CCBE1: variants seen among roughly 807,000 people sequenced by gnomAD.
CCBE1 encodes the protein collagen and calcium-binding EGF domain-containing protein 1.
In CCBE1, 37 loss-of-function variants were observed where a neutral mutation model predicts 50.0. The observed-to-expected ratio is 0.74, with a 90% CI of 0.57 to 0.97. The LOEUF (loss-of-function observed/expected upper bound fraction) is 0.97, where lower values mean the gene tolerates loss of function less well. Among genes scored for constraint, CCBE1 ranks in the 50% least tolerant of loss-of-function variants. CCBE1 has a pLI of 0.00. For missense variants in CCBE1, 538 were observed against 523.8 expected (o/e 1.03, Z -0.26); for synonymous variants, 234 against 203.7 (o/e 1.15, Z -1.27).
chr18:59,480,092 G>A lies in CCBE1; in HGVS notation c.265+94C>T, dbSNP rs1213100777. ...ACAGATACACAGATAATCAGACACAGATAAGACCTATATTCCATGAACATC... is the reference window on the plus strand; with the variant it reads ...ACAGATACACAGATAATCAGACACAAATAAGACCTATATTCCATGAACATC... On this transcript the variant is annotated intron_variant, in intron 3 of 10. Transcript: ENST00000439986. The A allele has an allele frequency of 6.8e-6, 6 of 876,508 alleles. No homozygotes were observed. In the African/African-American group the frequency reaches 8.5e-5, roughly 12 times the overall value. The allele number at this position is 876,508 out of a possible 1,614,324, so 54.3% of individuals were successfully genotyped here.
intron 2 of CCBE1, among the ~76,000 whole-genome samples, chr18:59,598,566 G>A (rs1399434849): frequency 6.6e-6 from 1 of 152,200 alleles, no homozygotes; most frequent in East Asian, 1.9e-4. Context: ...GGCTGGAAAT[G>A]CTATTGAGCT....
At chr18:59,570,871 A>C (rs2052902373) in intron 2 of CCBE1, among the ~76,000 whole-genome samples, 1 of 152,188 alleles carries the variant, frequency 6.6e-6, no homozygotes, top group African/African-American at 2.4e-5. Flanking sequence ...CAGGATGAAA[A>C]TCGAGACATC....
chr18:59,618,871 C>T (rs2053673718), intron 2 of CCBE1, among the ~76,000 whole-genome samples: 1 of 151,920 alleles, frequency 6.6e-6, no homozygotes, highest in Non-Finnish European at 1.5e-5. Flanking sequence ...TTATTGGAGG[C>T]TGAGAAAGTT....
intron 2 of CCBE1, among the ~76,000 whole-genome samples, chr18:59,644,376 C>T (rs1269483455): frequency 6.6e-6 from 1 of 152,196 alleles, no homozygotes; most frequent in Non-Finnish European, 1.5e-5. Flanking sequence ...CCTGGCTCAC[C>T]TAAGGCTTCT....
At position 59,480,190 on chromosome 18, in the gene CCBE1, TG is replaced by T; in HGVS notation, c.260del (p.Pro87GlnfsTer107). ...GYKFVLGQCI[P>X]EDYDVCAEAP... The stretch of plus-strand genomic sequence containing the variant: ...TATCTTTTTTATATTACATACCTTC[TG>T]GGATGCATTGTCCAAGAACAAATTT... On this transcript the variant is annotated frameshift_variant, in exon 3 of 11. Transcript: ENST00000439986. LOFTEE classifies it high-confidence loss of function. 1 of 1,586,148 alleles carries T rather than the reference TG, an allele frequency of 6.3e-7. No homozygotes were observed. The highest frequency in any genetic ancestry group is 1.1e-5 in the South Asian group (1 of 90,342).
At chr18:59,627,429 G>A (rs966838625) in intron 2 of CCBE1, among the ~76,000 whole-genome samples, 7 of 152,182 alleles carry the variant, frequency 4.6e-5, no homozygotes, top group African/African-American at 1.2e-4. Context: ...CAGTATCAGA[G>A]TGGATAATAC....
chr18:59,469,912 C>T (rs1568157291), intron 3 of CCBE1, among the ~76,000 whole-genome samples: 1 of 152,138 alleles, frequency 6.6e-6, no homozygotes, highest in African/African-American at 2.4e-5. Context: ...CGGATTCCCT[C>T]GGGGTTGGGG....
intron 3 of CCBE1, among the ~76,000 whole-genome samples, chr18:59,473,534 G>A (rs1039351119): frequency 1.3e-5 from 2 of 151,804 alleles, no homozygotes; most frequent in African/African-American, 4.8e-5. Flanking sequence ...TAAATTATTT[G>A]GATGTTGCAT....
chr18:59,521,409 A>C (rs1260940930), intron 2 of CCBE1, among the ~76,000 whole-genome samples: 1 of 152,186 alleles, frequency 6.6e-6, no homozygotes, highest in Non-Finnish European at 1.5e-5. Context: ...TGGATTGAAC[A>C]CATTCTTTGT....
chr18:59,657,659 G>T (rs1311565647), intron 2 of CCBE1, among the ~76,000 whole-genome samples: 4 of 152,204 alleles, frequency 2.6e-5, no homozygotes, highest in Non-Finnish European at 4.4e-5. Context: ...TGGGATCTGA[G>T]GCGGACAGAT....
intron 2 of CCBE1, among the ~76,000 whole-genome samples, chr18:59,664,934 GATC>G (rs747984678): frequency 3.8e-4 from 58 of 152,294 alleles, no homozygotes; most frequent in Middle Eastern, 3.4e-3. Context: ...GTTAAAGACT[GATC>G]AACAGGCAGA....
At chr18:59,470,482 T>G (rs1426377548) in intron 3 of CCBE1, among the ~76,000 whole-genome samples, 4 of 152,184 alleles carry the variant, frequency 2.6e-5, no homozygotes, top group Non-Finnish European at 5.9e-5. Flanking sequence ...GATGCTTATG[T>G]GTGTATACTG....
rs201437351 is a variant in CCBE1 at position 59,448,020 on chromosome 18, T to C, written c.738A>G (p.Pro246=). Residue 246 remains proline (P), a synonymous_variant, in exon 7 of 11, where the codon CCA becomes CCG. Transcript: ENST00000439986. ...DKVLASNTYL[P]GPPGLPGGQG... is the part of the protein sequence containing the mutation. ...GGCCCCCAGGCAGGCCAGGAGGTCC[T>C]GGAAGGTAGGTGTTTGAGGCCAGCA... 42 of 1,614,210 alleles carry C rather than the reference T, an allele frequency of 2.6e-5. 1 individual carries two copies. In the Admixed American group the frequency reaches 5.3e-4, roughly 20 times the overall value.
At chr18:59,516,726 T>C (rs1395334341) in intron 2 of CCBE1, among the ~76,000 whole-genome samples, 1 of 152,194 alleles carries the variant, frequency 6.6e-6, no homozygotes, top group Non-Finnish European at 1.5e-5. Flanking sequence ...ACCTAGTTCC[T>C]GAGACTTCAG....
At chr18:59,476,587 T>C (rs1400675165) in intron 3 of CCBE1, among the ~76,000 whole-genome samples, 1 of 152,242 alleles carries the variant, frequency 6.6e-6, no homozygotes, top group Non-Finnish European at 1.5e-5. Context: ...TTTGACTGTG[T>C]TCCAATAAAC....
chr18:59,503,867 T>C (rs1259057462), intron 2 of CCBE1, among the ~76,000 whole-genome samples: 1 of 152,194 alleles, frequency 6.6e-6, no homozygotes, highest in African/African-American at 2.4e-5. Flanking sequence ...GGCCCTCATC[T>C]TCACACCTTA....
Position 59,435,832 on chromosome 18 carries a change from C to T in CCBE1, c.*76G>A. Reference sequence around the variant, plus strand: ...GTATGTTTTCTAGGTCTCCAGTGGTCTTTCTTCTCTTTAGATGGTTTAACT... The same window carrying T: ...GTATGTTTTCTAGGTCTCCAGTGGTTTTTCTTCTCTTTAGATGGTTTAACT... On this transcript the variant is annotated 3_prime_UTR_variant, in exon 11 of 11. Transcript: ENST00000439986. 2 of 1,315,448 alleles carry T rather than the reference C, an allele frequency of 1.5e-6. No homozygotes were observed. Among genetic ancestry groups the T allele is most frequent in the South Asian group, 2.4e-5 (2 of 84,974 alleles). The allele number at this position is 1,315,448 out of a possible 1,614,324, so 81.5% of individuals were successfully genotyped here.
intron 5 of CCBE1, among the ~76,000 whole-genome samples, chr18:59,462,145 G>A (rs548273229): frequency 5.3e-5 from 8 of 152,260 alleles, no homozygotes; most frequent in Non-Finnish European, 8.8e-5. Flanking sequence ...ACTTGTAACT[G>A]TCTCTCAATA....
chr18:59,606,155 G>A (rs7242226), intron 2 of CCBE1, among the ~76,000 whole-genome samples: 1,561 of 152,200 alleles, frequency 0.01, 26 homozygotes, highest in African/African-American at 0.035. Context: ...TCATTGTTTC[G>A]GAAAAATGCT....
Sources: allele counts gnomAD v4.1 joint callset (sites outside exome capture counted in the v4.1 genomes callset), GRCh38; gene constraint gnomAD v4.1.1; transcripts MANE v1.5; gene names NCBI Gene and HGNC (gene_info 2026-07-23, HGNC 2026-07-21).